Variants in GABRB1 observed in about 807,000 individuals in gnomAD.
The protein encoded by GABRB1 is gamma-aminobutyric acid receptor subunit beta-1.
GABRB1 carries 17 observed loss-of-function variants against 51.6 expected under a neutral mutation model. That is an observed-to-expected ratio of 0.33 (90% confidence interval 0.23 to 0.49). The LOEUF is 0.49. Among genes scored for constraint, GABRB1 ranks in the 20% least tolerant of loss-of-function variants. The pLI is 0.99. For missense variants in GABRB1, 410 were observed against 600.6 expected (o/e 0.68, Z 3.32); for synonymous variants, 247 against 218.9 (o/e 1.13, Z -1.14).
intron 4 of GABRB1, among the ~76,000 whole-genome samples, chr4:47,283,948 G>A (rs551554873): frequency 6.6e-6 from 1 of 151,874 alleles, no homozygotes; most frequent in East Asian, 2.0e-4. Flanking sequence ...GGCAAGTCCC[G>A]GGGGCCGGAC....
At chr4:47,088,983 C>A (rs1577897157) in intron 3 of GABRB1, among the ~76,000 whole-genome samples, 2 of 152,176 alleles carry the variant, frequency 1.3e-5, no homozygotes, top group Admixed American at 6.5e-5. Flanking sequence ...ATCTGCTGGA[C>A]TTTTCTTCTT....
chr4:47,037,735 T>C (rs1725652722), intron 3 of GABRB1, among the ~76,000 whole-genome samples: 1 of 152,240 alleles, frequency 6.6e-6, no homozygotes, highest in East Asian at 1.9e-4. Context: ...TGAGGTATGG[T>C]TATCAGTGCT....
At chr4:47,359,962 T>C (rs1486789848) in intron 5 of GABRB1, among the ~76,000 whole-genome samples, 1 of 152,092 alleles carries the variant, frequency 6.6e-6, no homozygotes, top group Non-Finnish European at 1.5e-5. Context: ...GCTTTCTGCA[T>C]CAGACTTGAA....
chr4:47,094,062 G>A (rs888940579), intron 3 of GABRB1, among the ~76,000 whole-genome samples: 21 of 151,254 alleles, frequency 1.4e-4, no homozygotes, highest in African/African-American at 4.9e-4. Flanking sequence ...AGGAGGGAGT[G>A]ATGTTCTAAC....
At chr4:47,054,623 C>T (rs1726508953) in intron 3 of GABRB1, among the ~76,000 whole-genome samples, 2 of 151,724 alleles carry the variant, frequency 1.3e-5, no homozygotes, top group Non-Finnish European at 2.9e-5. Flanking sequence ...GCTTTGTTGC[C>T]CAGGCTGGAG....
intron 4 of GABRB1, among the ~76,000 whole-genome samples, chr4:47,310,179 A>C (rs1724618323): frequency 1.3e-5 from 2 of 152,208 alleles, no homozygotes; most frequent in Non-Finnish European, 2.9e-5. Flanking sequence ...TATCTGATGT[A>C]AGAGCTCTGG....
chr4:47,032,764 G>C, intron 3 of GABRB1: 1 of 651,834 alleles, frequency 1.5e-6, no homozygotes, highest in Non-Finnish European at 2.9e-6. Flanking sequence ...GAGTCTGAGC[G>C]TTACTTTAGC....
intron 3 of GABRB1, among the ~76,000 whole-genome samples, chr4:47,037,278 T>C (rs953009871): frequency 1.3e-5 from 2 of 152,230 alleles, no homozygotes; most frequent in Non-Finnish European, 2.9e-5. Context: ...AGCCTAAACA[T>C]ACTCTTGATG....
intron 5 of GABRB1, among the ~76,000 whole-genome samples, chr4:47,360,110 A>G (rs979542280): frequency 4.2e-5 from 6 of 143,974 alleles, no homozygotes. Context: ...TACTCTCTGC[A>G]GGAAAGCTTT....
At chr4:47,155,916 C>CAT (rs10525795) in intron 3 of GABRB1, among the ~76,000 whole-genome samples, 965 of 73,560 alleles carry the variant, frequency 0.013, 65 homozygotes, top group East Asian at 0.031. Flanking sequence ...GAGGTATTTT[C>CAT]ATATATATAT....
At chr4:47,257,491 C>G (rs1199238484) in intron 4 of GABRB1, among the ~76,000 whole-genome samples, 1 of 151,248 alleles carries the variant, frequency 6.6e-6, no homozygotes, top group Non-Finnish European at 1.5e-5. Context: ...GAGGCAGGAT[C>G]TTGAAATCTC....
intron 4 of GABRB1, among the ~76,000 whole-genome samples, chr4:47,218,719 A>G (rs939508404): frequency 1.3e-5 from 2 of 151,630 alleles, no homozygotes; most frequent in African/African-American, 4.8e-5. Flanking sequence ...TTCCTTATTC[A>G]TTTTTGAATC....
intron 3 of GABRB1, among the ~76,000 whole-genome samples, chr4:47,045,350 G>T (rs1369257973): frequency 1.3e-5 from 2 of 152,028 alleles, no homozygotes; most frequent in Non-Finnish European, 2.9e-5. Flanking sequence ...GGCTAAATGA[G>T]ATAATGTGTA....
At chr4:47,150,515 A>G (rs1267177954) in intron 3 of GABRB1, among the ~76,000 whole-genome samples, 1 of 152,076 alleles carries the variant, frequency 6.6e-6, no homozygotes, top group Non-Finnish European at 1.5e-5. Flanking sequence ...TATAGTATGT[A>G]GCTATTAAGT....
chr4:47,123,882 A>C (rs1577929243), intron 3 of GABRB1, among the ~76,000 whole-genome samples: 1 of 77,324 alleles, frequency 1.3e-5, no homozygotes, highest in Admixed American at 2.3e-4. Context: ...TCTTATATAT[A>C]ATATATATAA....
intron 4 of GABRB1, among the ~76,000 whole-genome samples, chr4:47,211,084 G>A (rs949574892): frequency 6.6e-6 from 1 of 152,144 alleles, no homozygotes; most frequent in African/African-American, 2.4e-5. Context: ...CAGCTGACAT[G>A]TCTGTGCTTG....
chr4:47,237,936 T>C (rs1721388389), intron 4 of GABRB1, among the ~76,000 whole-genome samples: 1 of 152,084 alleles, frequency 6.6e-6, no homozygotes, highest in Admixed American at 6.5e-5. Flanking sequence ...TAAAATTTCA[T>C]AATTTTTGTT....
chr4:47,079,561 C>T (rs1014559431), intron 3 of GABRB1, among the ~76,000 whole-genome samples: 8 of 151,700 alleles, frequency 5.3e-5, no homozygotes, highest in Admixed American at 3.9e-4. Flanking sequence ...ATGTTTATTG[C>T]GGCACTGTTC....
intron 5 of GABRB1, among the ~76,000 whole-genome samples, chr4:47,378,391 G>T (rs2110026431): frequency 6.6e-6 from 1 of 152,264 alleles, no homozygotes; most frequent in East Asian, 1.9e-4. Flanking sequence ...ACTCGTGCTG[G>T]CCCGCAAGCA....
Sources: allele counts gnomAD v4.1 joint callset (sites outside exome capture counted in the v4.1 genomes callset), GRCh38; gene constraint gnomAD v4.1.1; transcripts MANE v1.5; gene names NCBI Gene and HGNC (gene_info 2026-07-23, HGNC 2026-07-21).